DDI2: variants seen among roughly 807,000 people sequenced by gnomAD.
The protein encoded by DDI2 is DDI proteasomal shuttling factor 2, also known as protein DDI1 homolog 2.
DDI2 carries 5 observed loss-of-function variants against 48.1 expected under a neutral mutation model. The ratio of observed to expected loss-of-function variants is 0.10; its 90% CI spans 0.05 to 0.22. The LOEUF is 0.22. DDI2 is among the 10% of genes least tolerant of loss of function. The probability of loss-of-function intolerance (pLI) is 1.00; values close to 1 mark genes in which losing one functional copy is unlikely to be tolerated. For missense variants in DDI2, 285 were observed against 506.2 expected, an observed-to-expected ratio of 0.56 and a Z score of 4.19; for synonymous variants, 205 against 183.6, an observed-to-expected ratio of 1.12 and a Z score of -0.94.
chr1:15,655,767 A>AG (rs1374909304), intron 8 of DDI2, among the ~76,000 whole-genome samples: 3 of 145,640 alleles, frequency 2.1e-5, no homozygotes, highest in Admixed American at 2.0e-4. Context: ...AAAAAAAAAA[A>AG]GAAAAAAAAT....
chr1:15,629,595 T>C (rs988087986), intron 2 of DDI2, among the ~76,000 whole-genome samples: 2 of 112,846 alleles, frequency 1.8e-5, no homozygotes, highest in African/African-American at 8.8e-5. Flanking sequence ...AGACTCCGTG[T>C]CAAAAAAAAA....
At chr1:15,645,697 C>T (rs1167987947) in intron 6 of DDI2, among the ~76,000 whole-genome samples, 5 of 151,842 alleles carry the variant, frequency 3.3e-5, no homozygotes, top group East Asian at 1.9e-4. Context: ...AGGGAGAATT[C>T]GTCTCTACAA....
At position 15,664,546 on chromosome 1, in the gene DDI2, C is replaced by T. The variant is rs1013811270; in HGVS notation, c.*4756C>T. On this transcript the variant is annotated 3_prime_UTR_variant, in exon 10 of 10. Transcript: ENST00000480945. ...GAGCATTACAATAGTGAACCTTCAT[C>T]GTCAGCTTTTATTCAATTAAGAGCT... 2 of 152,040 alleles carry T rather than the reference C, an allele frequency of 1.3e-5. No homozygotes were observed. The highest frequency in any genetic ancestry group is 4.8e-5 in the African/African-American group (2 of 41,380). 9.4% of individuals were successfully genotyped at this position (152,040 alleles called of 1,614,324 possible).
Position 15,667,824 on chromosome 1 carries a change from A to T in DDI2, c.*8034A>T, listed in dbSNP as rs776543320. On this transcript the variant is annotated 3_prime_UTR_variant, in exon 10 of 10. Coordinates refer to ENST00000480945, the MANE Select transcript of DDI2 (RefSeq NM_032341.5). ...TCAAAGGTTTATCAGTTATGTATTG[A>T]TGATTGGTAATCTAGACCCTCTGGA... The T allele has an allele frequency of 1.3e-5, 2 of 152,218 alleles. No individual in the cohort carries two copies. Among genetic ancestry groups the T allele is most frequent in the Admixed American group, 6.5e-5 (1 of 15,278 alleles). The allele number at this position is 152,218 out of a possible 1,614,324, so 9.4% of individuals were successfully genotyped here. A position where few individuals can be genotyped will look rare whatever the true frequency, so the allele number is the denominator to read the frequency against.
At chr1:15,646,553 GGCGGGTGCCTGTAATCCCA>G (rs1640094903) in intron 6 of DDI2, among the ~76,000 whole-genome samples, 1 of 152,128 alleles carries the variant, frequency 6.6e-6, no homozygotes, top group Non-Finnish European at 1.5e-5. Flanking sequence ...CGGGCGTGGT[GGCGGGTGCCTGTAATCCCA>G]GCTATTCGGG....
intron 6 of DDI2, among the ~76,000 whole-genome samples, chr1:15,645,762 C>T (rs977896659): frequency 6.0e-5 from 9 of 151,258 alleles, no homozygotes; most frequent in African/African-American, 1.7e-4. Context: ...GCCAGCTACT[C>T]GAGAGGCTAA....
At chr1:15,647,552 G>A (rs560437397) in intron 6 of DDI2, among the ~76,000 whole-genome samples, 7 of 152,190 alleles carry the variant, frequency 4.6e-5, no homozygotes, top group African/African-American at 9.6e-5. Flanking sequence ...TCAAAGTTAC[G>A]GATGCTTTAG....
intron 9 of DDI2, among the ~76,000 whole-genome samples, chr1:15,658,686 G>A (rs1317012894): frequency 2.6e-5 from 4 of 151,268 alleles, no homozygotes; most frequent in Non-Finnish European, 4.4e-5. Flanking sequence ...CCCGGGAGGC[G>A]GAGGTTGCGG....
intron 8 of DDI2, among the ~76,000 whole-genome samples, chr1:15,653,161 T>C (rs2103479070): frequency 6.6e-6 from 1 of 152,276 alleles, no homozygotes; most frequent in East Asian, 1.9e-4. Context: ...GTTTTTGTTT[T>C]TGTGATTTTC....
At chr1:15,656,286 AT>A (rs1483524196) in intron 8 of DDI2, 11 of 619,174 alleles carry the variant, frequency 1.8e-5, no homozygotes, top group Non-Finnish European at 2.5e-5. Context: ...ACTCCATAAG[AT>A]TTTTTTAATC....
chr1:15,640,896 A>G (rs960819579), intron 5 of DDI2, among the ~76,000 whole-genome samples: 3 of 152,172 alleles, frequency 2.0e-5, no homozygotes, highest in Admixed American at 2.0e-4. Context: ...TTAGGGAGGA[A>G]GTGGGTCTTG....
chr1:15,619,522 C>T (rs144446203), intron 1 of DDI2, among the ~76,000 whole-genome samples: 4,752 of 145,364 alleles, frequency 0.033, 263 homozygotes, highest in African/African-American at 0.11. Context: ...AGTGCAGTGG[C>T]GCGATCTCGG....
rs768210759 is a variant in DDI2, at chr1:15,661,216, G to A, written c.*1426G>A. ...AGAAAATGTAAACTTCAGGAGTCTA[G>A]GTGATGGCCTGTCAACCGATAAGGA... is the stretch of plus-strand genomic sequence containing the variant. On this transcript the variant is annotated 3_prime_UTR_variant, in exon 10 of 10. Coordinates refer to ENST00000480945, the MANE Select transcript of DDI2 (RefSeq NM_032341.5). 11 of 1,614,062 alleles carry A rather than the reference G, an allele frequency of 6.8e-6. No individual in the cohort carries two copies. The highest frequency in any genetic ancestry group is 2.2e-5 in the South Asian group (2 of 91,082).
chr1:15,646,722 C>T (rs1358860339), intron 6 of DDI2, among the ~76,000 whole-genome samples: 3 of 152,064 alleles, frequency 2.0e-5, no homozygotes, highest in African/African-American at 7.2e-5. Context: ...TTAGACAAAA[C>T]CCAAAAACCT....
intron 4 of DDI2, among the ~76,000 whole-genome samples, chr1:15,637,101 C>T (rs1009984505): frequency 6.6e-6 from 1 of 152,076 alleles, no homozygotes; most frequent in Non-Finnish European, 1.5e-5. Context: ...TTGATTCATG[C>T]TGTTTTAAGG....
rs1244109488 is a variant in DDI2, at chr1:15,617,911, G to A, written c.138+103G>A. 5.8e-6 allele frequency: 8 copies of A among 1,369,436 alleles called. No individual in the cohort carries two copies. The African/African-American group carries it at 8.9e-5, about 15-fold the overall frequency. The allele number at this position is 1,369,436 out of a possible 1,614,324, so 84.8% of individuals were successfully genotyped here. A position where few individuals can be genotyped will look rare whatever the true frequency, so the allele number is the denominator to read the frequency against. The stretch of plus-strand genomic sequence containing the variant: ...CTGGTGAAGAATTGGGGGCTGGGGG[G>A]AGCAAGGATAGCCATTCTCAGGTCA... On this transcript the variant is annotated intron_variant, in intron 1 of 9. Coordinates refer to ENST00000480945, the MANE Select transcript of DDI2 (RefSeq NM_032341.5).
chr1:15,635,232 G>GA (rs113959039), intron 4 of DDI2, among the ~76,000 whole-genome samples: 44,475 of 130,808 alleles, frequency 0.34, 7,338 homozygotes, highest in African/African-American at 0.44. Context: ...CCCATCTTAG[G>GA]AAAAAAAAAA....
Position 15,617,514 on chromosome 1 carries a change from G to A in DDI2, c.-157G>A, listed in dbSNP as rs1008814748. On this transcript the variant is annotated 5_prime_UTR_variant, in exon 1 of 10. In the 5' UTR this introduces an upstream ATG that the reference lacks. Coordinates refer to ENST00000480945, the MANE Select transcript of DDI2 (RefSeq NM_032341.5). ...TGCTTGCTAGTGAGGGCGGGAGGGAGTGACTCACTGAGCGTGTGTGAGGGA... is the reference window on the plus strand; with the variant it reads ...TGCTTGCTAGTGAGGGCGGGAGGGAATGACTCACTGAGCGTGTGTGAGGGA... The A allele has an allele frequency of 4.3e-5, 20 of 465,930 alleles. No homozygotes were observed. Among genetic ancestry groups the A allele is most frequent in the Non-Finnish European group, 6.4e-5 (19 of 296,570 alleles). The allele number at this position is 465,930 out of a possible 1,614,324, so 28.9% of individuals were successfully genotyped here.
In DDI2 at chr1:15,659,908, G is replaced by A. The variant is rs748304784; in HGVS notation, c.*118G>A. On this transcript the variant is annotated 3_prime_UTR_variant, in exon 10 of 10. Coordinates refer to ENST00000480945, the MANE Select transcript of DDI2 (RefSeq NM_032341.5). ...AACTTCAGATGGGTTTAACCATCCC[G>A]CCCGTTCTTCAGGACAGAGTCCTGA... The A allele has an allele frequency of 1.9e-6, 3 of 1,604,410 alleles. No individual in the cohort carries two copies. Among genetic ancestry groups the A allele is most frequent in the Non-Finnish European group, 2.5e-6 (3 of 1,177,114 alleles).
Sources: gnomAD v4.1 joint callset for allele counts (sites outside exome capture counted in the v4.1 genomes callset) on GRCh38, gnomAD v4.1.1 for gene constraint, MANE v1.5 for transcripts, NCBI Gene and HGNC (gene_info 2026-07-23, HGNC 2026-07-21) for gene names.